The following STEAP1B variants were observed in gnomAD, a reference collection of about 807,000 sequenced individuals.
STEAP1B encodes the protein STEAP family protein MGC87042.
STEAP1B carries 13 observed loss-of-function variants against 27.9 expected under a neutral mutation model. The ratio of observed to expected loss-of-function variants is 0.47; its 90% CI spans 0.30 to 0.74. The LOEUF (loss-of-function observed/expected upper bound fraction) is 0.74. Among genes scored for constraint, STEAP1B ranks in the 30% least tolerant of loss-of-function variants. STEAP1B has a pLI of 0.06. For synonymous variants in STEAP1B, 86 were observed against 107.1 expected (o/e 0.80, Z 1.22); for missense variants, 250 against 298.7 (o/e 0.84, Z 1.20).
At chr7:22,426,986 C>T (rs1176729712) in intron 4 of STEAP1B, among the ~76,000 whole-genome samples, 1 of 152,150 alleles carries the variant, frequency 6.6e-6, no homozygotes, top group Non-Finnish European at 1.5e-5. Flanking sequence ...GAAAGTGATC[C>T]ATGCAGGTGT....
intron 4 of STEAP1B, among the ~76,000 whole-genome samples, chr7:22,439,588 A>T (rs1785301403): frequency 6.6e-6 from 1 of 152,216 alleles, no homozygotes; most frequent in Non-Finnish European, 1.5e-5. Flanking sequence ...TTTTTATAGT[A>T]GTAATAGGAA....
intron 1 of STEAP1B, among the ~76,000 whole-genome samples, chr7:22,499,819 T>TA (rs1786504448): frequency 6.6e-6 from 1 of 152,202 alleles, no homozygotes; most frequent in South Asian, 2.1e-4. Flanking sequence ...GAGCACAAAC[T>TA]TAATAATCTA....
At chr7:22,453,982 T>G (rs772612925) in intron 4 of STEAP1B, among the ~76,000 whole-genome samples, 5 of 152,378 alleles carry the variant, frequency 3.3e-5, no homozygotes, top group Non-Finnish European at 7.3e-5. Context: ...GGGGCTATTA[T>G]GAATAAAGAT....
chr7:22,430,155 GA>G (rs1785158711), intron 4 of STEAP1B, among the ~76,000 whole-genome samples: 2 of 152,164 alleles, frequency 1.3e-5, no homozygotes, highest in Admixed American at 1.3e-4. Flanking sequence ...TATTGTATTT[GA>G]AAGTTTTAAA....
intron 4 of STEAP1B, among the ~76,000 whole-genome samples, chr7:22,452,076 C>T (rs1050462944): frequency 6.6e-6 from 1 of 152,032 alleles, no homozygotes; most frequent in African/African-American, 2.4e-5. Context: ...GTATAAAGAA[C>T]TGATAACCAG....
At chr7:22,426,265 A>C (rs938709890) in intron 4 of STEAP1B, among the ~76,000 whole-genome samples, 1 of 152,284 alleles carries the variant, frequency 6.6e-6, no homozygotes, top group South Asian at 2.1e-4. Flanking sequence ...TTCTTCCATA[A>C]AATACAAAAC....
At chr7:22,471,170 C>T (rs754632633) in intron 4 of STEAP1B, among the ~76,000 whole-genome samples, 3 of 152,136 alleles carry the variant, frequency 2.0e-5, no homozygotes, top group South Asian at 2.1e-4. Context: ...GTGGGCTGCG[C>T]GCCTCAGCAC....
intron 4 of STEAP1B, among the ~76,000 whole-genome samples, chr7:22,431,933 G>A (rs1314033516): frequency 6.6e-6 from 1 of 152,156 alleles, no homozygotes; most frequent in East Asian, 1.9e-4. Context: ...GTCCCTAGCT[G>A]CTCCAGCATT....
intron 4 of STEAP1B, among the ~76,000 whole-genome samples, chr7:22,435,583 A>G (rs953045624): frequency 3.3e-5 from 5 of 152,222 alleles, no homozygotes; most frequent in Non-Finnish European, 5.9e-5. Context: ...TAGTAACATC[A>G]GTCTCCACCT....
intron 4 of STEAP1B, among the ~76,000 whole-genome samples, chr7:22,440,653 G>C (rs1785319784): frequency 6.6e-6 from 1 of 152,036 alleles, no homozygotes; most frequent in African/African-American, 2.4e-5. Context: ...TCAATTTCAA[G>C]TTTATTAATC....
chr7:22,478,873 C>G (rs1314760154), intron 4 of STEAP1B, among the ~76,000 whole-genome samples: 1 of 152,136 alleles, frequency 6.6e-6, no homozygotes, highest in African/African-American at 2.4e-5. Context: ...CAGACCACCT[C>G]ACTTTGTCTG....
At chr7:22,425,344 G>A (rs1249215290) in intron 4 of STEAP1B, among the ~76,000 whole-genome samples, 1 of 152,166 alleles carries the variant, frequency 6.6e-6, no homozygotes, top group Non-Finnish European at 1.5e-5. Flanking sequence ...CACCAACTGG[G>A]GCCGTCCAGT....
chr7:22,438,378 T>C, intron 4 of STEAP1B: 1 of 1,220,858 alleles, frequency 8.2e-7, no homozygotes, highest in Non-Finnish European at 1.1e-6. Flanking sequence ...TTAAAATAAT[T>C]GGAGTAAGTT....
chr7:22,495,117 A>G (rs567521192), intron 1 of STEAP1B, among the ~76,000 whole-genome samples: 11 of 152,234 alleles, frequency 7.2e-5, no homozygotes, highest in Non-Finnish European at 1.3e-4. Flanking sequence ...TATTTGTTCA[A>G]TGAATAACCC....
chr7:22,441,507 C>T (rs1306125183), intron 4 of STEAP1B, among the ~76,000 whole-genome samples: 1 of 152,148 alleles, frequency 6.6e-6, no homozygotes, highest in Non-Finnish European at 1.5e-5. Context: ...GAGACAAAGT[C>T]GCAAATGTAA....
At chr7:22,430,080 T>A (rs531238321) in intron 4 of STEAP1B, among the ~76,000 whole-genome samples, 1 of 152,348 alleles carries the variant, frequency 6.6e-6, no homozygotes, top group South Asian at 2.1e-4. Flanking sequence ...CTTAAACTGG[T>A]TGTGGATATG....
At chr7:22,441,858 T>C (rs1785339223) in intron 4 of STEAP1B, among the ~76,000 whole-genome samples, 1 of 152,278 alleles carries the variant, frequency 6.6e-6, no homozygotes, top group Non-Finnish European at 1.5e-5. Flanking sequence ...ACTGAAATAC[T>C]GCTTTGGAGC....
At chr7:22,478,027 C>A (rs1365682844) in intron 4 of STEAP1B, among the ~76,000 whole-genome samples, 1 of 152,142 alleles carries the variant, frequency 6.6e-6, no homozygotes, top group African/African-American at 2.4e-5. Flanking sequence ...TCTCCACTGT[C>A]AATCAGCAAA....
rs532510972 is a variant in STEAP1B at position 22,494,487 on chromosome 7, G to A, written c.84+285C>T. ...GTTAGAAAGAATTGGAAGGGCCTTG[G>A]GGATGATCTGGTCCAAGGCTTTCAT... is the stretch of plus-strand genomic sequence containing the variant. On this transcript the variant is annotated intron_variant, in intron 2 of 4. Coordinates refer to ENST00000678116, the MANE Select transcript of STEAP1B (RefSeq NM_001382447.1). Among the ~76,000 whole-genome samples the A allele has an allele frequency of 5.9e-5, 9 of 151,908 alleles. No individual in the cohort carries two copies. The South Asian group carries it at 6.3e-4, about 11-fold the overall frequency.
Sources: allele counts gnomAD v4.1 joint callset (sites outside exome capture counted in the v4.1 genomes callset), GRCh38; gene constraint gnomAD v4.1.1; transcripts MANE v1.5; gene names NCBI Gene and HGNC (gene_info 2026-07-23, HGNC 2026-07-21).